The following SATB2 variants were observed in gnomAD, a reference collection of about 807,000 sequenced individuals.
SATB2 encodes the protein SATB homeobox 2.
A neutral mutation model predicts 73.4 loss-of-function variants in SATB2; 1 was observed. That is an observed-to-expected ratio of 0.01 (90% CI 0.00 to 0.06). The LOEUF (loss-of-function observed/expected upper bound fraction) is 0.06. Ranked by LOEUF, SATB2 falls within the 10% of genes least tolerant of loss-of-function variation. The pLI is 1.00. For missense variants in SATB2, 459 were observed against 945.8 expected (o/e 0.49, Z 6.75); for synonymous variants, 397 against 367.0 (o/e 1.08, Z -0.93).
chr2:199,405,031 G>A (rs1341611340), intron 3 of SATB2, among the ~76,000 whole-genome samples: 1 of 152,206 alleles, frequency 6.6e-6, no homozygotes, highest in Non-Finnish European at 1.5e-5. Flanking sequence ...AATTATAAAT[G>A]CATGGGCTGA....
chr2:199,351,173 T>G (rs1688808033), intron 6 of SATB2, among the ~76,000 whole-genome samples: 1 of 151,568 alleles, frequency 6.6e-6, no homozygotes, highest in South Asian at 2.1e-4. Flanking sequence ...TTTTTTTTTT[T>G]TTTTTAAGAC....
At chr2:199,359,367 G>T (rs960151817) in intron 6 of SATB2, among the ~76,000 whole-genome samples, 1 of 152,094 alleles carries the variant, frequency 6.6e-6, no homozygotes, top group Non-Finnish European at 1.5e-5. Flanking sequence ...AGGTATTACT[G>T]TCCTATTCAA....
chr2:199,317,540 A>G (rs919545979), intron 9 of SATB2, among the ~76,000 whole-genome samples: 1 of 152,100 alleles, frequency 6.6e-6, no homozygotes, highest in African/African-American at 2.4e-5. Flanking sequence ...ACTAGTGATA[A>G]GTTAAAAGTA....
intron 10 of SATB2, among the ~76,000 whole-genome samples, chr2:199,302,567 C>T (rs1380163227): frequency 1.3e-5 from 2 of 152,164 alleles, no homozygotes; most frequent in South Asian, 2.1e-4. Flanking sequence ...TGCAAGTGTT[C>T]ATTTGCATCT....
intron 3 of SATB2, among the ~76,000 whole-genome samples, chr2:199,406,048 G>C (rs1690620722): frequency 6.6e-6 from 1 of 152,104 alleles, no homozygotes; most frequent in African/African-American, 2.4e-5. Flanking sequence ...CATTTACATT[G>C]TATTAGATAT....
rs1193131173 is a variant in SATB2 at position 199,464,966 on chromosome 2, C to T, written c.-271G>A. On this transcript the variant is annotated 5_prime_UTR_variant, in exon 1 of 12. Transcript: ENST00000260926. The surrounding 1 kb of genome is among the most constrained non-coding windows in gnomAD (Gnocchi z 6.6). ...TGCCTTCGGCGTCACGCGTCCAACC[C>T]TGGGGCTGATTTAAATAACTAATAA... 6.6e-6 allele frequency: 1 copy of T among 152,270 alleles called. No homozygotes were observed. Among genetic ancestry groups the T allele is most frequent in the Non-Finnish European group, 1.5e-5 (1 of 68,070 alleles). The allele number at this position is 152,270 out of a possible 1,614,324, so 9.4% of individuals were successfully genotyped here.
Position 199,272,123 on chromosome 2 carries a change from CA to C in SATB2, c.*87del, listed in dbSNP as rs1164818808. On this transcript the variant is annotated 3_prime_UTR_variant, in exon 11 of 11. Coordinates refer to ENST00000417098, the MANE Select transcript of SATB2 (RefSeq NM_001172509.2). The surrounding 1 kb of genome is among the most constrained non-coding windows in gnomAD (Gnocchi z 6.7). ...AGCCAAAAAAACCCAAAAACAAAAA[CA>C]AAAAACAAACTAACAAAAAACTTTT... is the stretch of plus-strand genomic sequence containing the variant. 1 of 1,381,420 alleles carries C rather than the reference CA, an allele frequency of 7.2e-7. No homozygotes were observed. The highest frequency in any genetic ancestry group is 2.3e-5 in the East Asian group (1 of 43,822). The allele number at this position is 1,381,420 out of a possible 1,614,324, so 85.6% of individuals were successfully genotyped here.
At chr2:199,460,287 G>A (rs555095429), upstream of SATB2, among the ~76,000 whole-genome samples, 2 of 152,310 alleles carry the variant, frequency 1.3e-5, no homozygotes, top group East Asian at 3.9e-4. The surrounding 1 kb of genome is among the most constrained non-coding windows in gnomAD (Gnocchi z 4.0). Context: ...CAAACTGTAA[G>A]TTTTGAGCAA....
At chr2:199,399,676 C>T (rs544970188) in intron 3 of SATB2, among the ~76,000 whole-genome samples, 89 of 152,226 alleles carry the variant, frequency 5.8e-4, no homozygotes, top group Non-Finnish European at 9.3e-4. Context: ...TTCATGGGGA[C>T]GGCAAAGGAG....
chr2:199,288,465 T>A lies in SATB2; in HGVS notation c.1741-15793A>T, dbSNP rs190917809. ...AGGGGAAAGAGATGAAAGAAGGTAA[T>A]CCATGTGTTTGAAGCCTCACATGAG... On this transcript the variant is annotated intron_variant, in intron 10 of 10. Transcript: ENST00000417098. 1.7e-4 allele frequency among the ~76,000 whole-genome samples: 26 copies of A among 152,328 alleles called. 1 individual carries two copies. The East Asian group carries it at 4.2e-3, about 25-fold the overall frequency.
intron 1 of SATB2, 124 bp from the exon 2 acceptor site, chr2:199,456,220 G>T (rs1400768157): frequency 1.0e-5 from 7 of 687,040 alleles, no homozygotes; most frequent in African/African-American, 1.8e-5. Context: ...TTCCTCCCAC[G>T]CTGCCCGAGG....
intron 9 of SATB2, among the ~76,000 whole-genome samples, chr2:199,321,485 T>G (rs1032962611): frequency 5.3e-5 from 8 of 151,332 alleles, no homozygotes; most frequent in Non-Finnish European, 1.2e-4. Flanking sequence ...CACATACATG[T>G]ATATATGTGT....
chr2:199,458,411 C>T (rs1158783466), upstream of SATB2: 3 of 374,686 alleles, frequency 8.0e-6, no homozygotes, highest in Non-Finnish European at 1.6e-5. Context: ...TGACGAGGAC[C>T]TCATGCACGA....
intron 9 of SATB2, among the ~76,000 whole-genome samples, chr2:199,309,560 C>A (rs571022064): frequency 6.6e-6 from 1 of 152,318 alleles, no homozygotes; most frequent in African/African-American, 2.4e-5. Context: ...GCCACACCTG[C>A]AGGAAGGTAG....
intron 6 of SATB2, among the ~76,000 whole-genome samples, chr2:199,354,377 T>TA (rs1688911518): frequency 6.6e-6 from 1 of 152,046 alleles, no homozygotes; most frequent in East Asian, 1.9e-4. Context: ...AATAAATAAA[T>TA]AACTCACAAC....
At chr2:199,298,388 T>A (rs182484756) in intron 10 of SATB2, among the ~76,000 whole-genome samples, 2 of 152,318 alleles carry the variant, frequency 1.3e-5, no homozygotes, top group Admixed American at 6.5e-5. Context: ...CCAGCAGAGA[T>A]AATGTTTCAG....
intron 7 of SATB2, chr2:199,329,363 T>TAA: frequency 2.2e-5 from 3 of 138,466 alleles, no homozygotes; most frequent in East Asian, 2.0e-4. Context: ...TACATCAATT[T>TAA]AAAAAAAAAA....
intron 2 of SATB2, among the ~76,000 whole-genome samples, chr2:199,453,450 T>C (rs1692187376): frequency 6.6e-6 from 1 of 152,048 alleles, no homozygotes; most frequent in Non-Finnish European, 1.5e-5. Context: ...GCTTATTATA[T>C]TGCTTTATAA....
chr2:199,459,817 G>T (rs1424773403), upstream of SATB2: 2 of 135,426 alleles, frequency 1.5e-5, no homozygotes, highest in African/African-American at 5.7e-5. The surrounding 1 kb of genome is among the most constrained non-coding windows in gnomAD (Gnocchi z 4.2). Context: ...TGAGTCCGCC[G>T]ATCGTGCCCG....
Sources: gnomAD v4.1 joint callset for allele counts (sites outside exome capture counted in the v4.1 genomes callset) on GRCh38, gnomAD v4.1.1 for gene constraint, Gnocchi (gnomAD v3.1) non-coding constraint, MANE v1.5 for transcripts, NCBI Gene and HGNC (gene_info 2026-07-23, HGNC 2026-07-21) for gene names.